The following CCDC91 variants were observed in gnomAD, a reference collection of about 807,000 sequenced individuals.
CCDC91 encodes coiled-coil domain-containing protein 91.
CCDC91 carries 48 observed loss-of-function variants against 63.2 expected under a neutral mutation model. That is an observed-to-expected ratio of 0.76 (90% CI 0.60 to 0.97). The LOEUF (loss-of-function observed/expected upper bound fraction) is 0.97. CCDC91 is among the 50% of genes least tolerant of loss of function. The pLI is 0.00. For synonymous variants in CCDC91, 167 were observed against 165.8 expected, an observed-to-expected ratio of 1.01 and a Z score of -0.06; for missense variants, 500 against 494.6, an observed-to-expected ratio of 1.01 and a Z score of -0.10.
At chr12:28,546,005 G>T (rs1286027210) in intron 12 of CCDC91, among the ~76,000 whole-genome samples, 3 of 152,172 alleles carry the variant, frequency 2.0e-5, no homozygotes, top group South Asian at 2.1e-4. Context: ...TGGGCGATTT[G>T]TGAAGGATTT....
At chr12:28,474,513 A>G (rs747186409) in intron 11 of CCDC91, among the ~76,000 whole-genome samples, 203 of 152,214 alleles carry the variant, frequency 1.3e-3, no homozygotes, top group Admixed American at 3.0e-3. Flanking sequence ...GTCTACATAA[A>G]TGGTTGTATT....
chr12:28,270,617 G>A (rs186371272), intron 3 of CCDC91, among the ~76,000 whole-genome samples: 1 of 152,190 alleles, frequency 6.6e-6, no homozygotes, highest in East Asian at 1.9e-4. Context: ...TACATTAAAT[G>A]TGCGAATAAA....
At chr12:28,296,916 T>A (rs1174160029) in intron 3 of CCDC91, among the ~76,000 whole-genome samples, 1 of 151,984 alleles carries the variant, frequency 6.6e-6, no homozygotes, top group East Asian at 1.9e-4. Context: ...TAGGAAGATG[T>A]GGGTTCAACA....
chr12:28,351,741 C>A (rs1433517083), intron 6 of CCDC91, among the ~76,000 whole-genome samples: 1 of 152,002 alleles, frequency 6.6e-6, no homozygotes, highest in Non-Finnish European at 1.5e-5. Context: ...CCTACTTCCT[C>A]CCTGTAGAAT....
intron 12 of CCDC91, among the ~76,000 whole-genome samples, chr12:28,542,847 CGTT>C (rs1044801563): frequency 3.9e-5 from 6 of 151,918 alleles, no homozygotes; most frequent in Non-Finnish European, 8.8e-5. Flanking sequence ...TTGTGGAACA[CGTT>C]GTAAGAAACA....
At chr12:28,543,414 T>C (rs7958852) in intron 12 of CCDC91, among the ~76,000 whole-genome samples, 275 of 152,140 alleles carry the variant, frequency 1.8e-3, no homozygotes, top group Middle Eastern at 6.8e-3. Flanking sequence ...TGTTTTGTTT[T>C]GCTTTAGGTT....
At chr12:28,272,442 A>T (rs903695190) in intron 3 of CCDC91, among the ~76,000 whole-genome samples, 2 of 149,704 alleles carry the variant, frequency 1.3e-5, no homozygotes, top group Non-Finnish European at 3.0e-5. Context: ...AAAAAAAATT[A>T]AAAAACTCTC....
intron 1 of CCDC91, among the ~76,000 whole-genome samples, chr12:28,248,276 A>G (rs1318580416): frequency 6.6e-6 from 1 of 152,094 alleles, no homozygotes; most frequent in Non-Finnish European, 1.5e-5. Context: ...TTTTGGTTGT[A>G]TTGCATTTGA....
intron 11 of CCDC91, among the ~76,000 whole-genome samples, chr12:28,470,800 A>T (rs1240375590): frequency 6.6e-6 from 1 of 152,162 alleles, no homozygotes; most frequent in African/African-American, 2.4e-5. Context: ...ATGGAACTGG[A>T]GTTCCTAATG....
chr12:28,549,289 C>G lies in CCDC91; in HGVS notation c.*116C>G. ...TTTCCAAATCATGTAGAATTGATTT[C>G]CAGTTCAAGGATAAACCAAAACAAT... On this transcript the variant is annotated 3_prime_UTR_variant, in exon 13 of 13. Transcript: ENST00000536442. The G allele has an allele frequency of 1.6e-6, 1 of 631,338 alleles. No homozygotes were observed. The highest frequency in any genetic ancestry group is 2.8e-6 in the Non-Finnish European group (1 of 351,410). The allele number at this position is 631,338 out of a possible 1,614,324, so 39.1% of individuals were successfully genotyped here. A position where few individuals can be genotyped will look rare whatever the true frequency, so the allele number is the denominator to read the frequency against.
intron 1 of CCDC91, among the ~76,000 whole-genome samples, chr12:28,252,431 CTTGTAACT>C (rs1271627444): frequency 4.6e-5 from 7 of 151,948 alleles, no homozygotes; most frequent in Non-Finnish European, 8.8e-5. Flanking sequence ...TAGGCTGGAT[CTTGTAACT>C]TTTTTTTACT....
At chr12:28,287,042 A>T (rs370851403) in intron 3 of CCDC91, among the ~76,000 whole-genome samples, 1 of 151,612 alleles carries the variant, frequency 6.6e-6, no homozygotes, top group African/African-American at 2.4e-5. Flanking sequence ...TCCTTTGCTC[A>T]GTTTTTAATG....
intron 3 of CCDC91, among the ~76,000 whole-genome samples, chr12:28,267,807 AATATATAATTATATTATTAAT>A (rs1481125550): frequency 6.7e-5 from 1 of 14,894 alleles, no homozygotes; most frequent in South Asian, 2.8e-3. Context: ...ATTATATAGT[AATATATAATTATATTATTAAT>A]ATATAATTAT....
chr12:28,332,029 ATACT>A (rs1941560220), intron 6 of CCDC91, among the ~76,000 whole-genome samples: 1 of 152,190 alleles, frequency 6.6e-6, no homozygotes, highest in Non-Finnish European at 1.5e-5. Flanking sequence ...TAGTCAGAAA[ATACT>A]TAATGTGATT....
At chr12:28,432,978 A>T (rs1174389671) in intron 8 of CCDC91, among the ~76,000 whole-genome samples, 2 of 152,048 alleles carry the variant, frequency 1.3e-5, no homozygotes, top group Middle Eastern at 3.2e-3. Context: ...ATGTGATGTG[A>T]AACATCTTTT....
intron 3 of CCDC91, among the ~76,000 whole-genome samples, chr12:28,289,245 G>C (rs1206287558): frequency 6.6e-6 from 1 of 151,610 alleles, no homozygotes; most frequent in African/African-American, 2.4e-5. Context: ...TTTGCTCTTG[G>C]TTTTCTAGTT....
chr12:28,485,109 G>A (rs1183849304), intron 12 of CCDC91, among the ~76,000 whole-genome samples: 1 of 151,344 alleles, frequency 6.6e-6, no homozygotes, highest in Non-Finnish European at 1.5e-5. Flanking sequence ...GCAGTTGGCA[G>A]TTCAAGAAGT....
intron 1 of CCDC91, among the ~76,000 whole-genome samples, chr12:28,192,675 T>G (rs1941362547): frequency 6.6e-6 from 1 of 152,226 alleles, no homozygotes. Flanking sequence ...TGTTCCTCCC[T>G]GCCCTATTCC....
At chr12:28,517,542 A>G (rs1592926370) in intron 12 of CCDC91, among the ~76,000 whole-genome samples, 1 of 152,098 alleles carries the variant, frequency 6.6e-6, no homozygotes, top group Middle Eastern at 3.4e-3. Flanking sequence ...TTTGTTCAAT[A>G]TTCCATGGCA....
Sources: gnomAD v4.1 joint callset for allele counts (sites outside exome capture counted in the v4.1 genomes callset) on GRCh38, gnomAD v4.1.1 for gene constraint, MANE v1.5 for transcripts, NCBI Gene and HGNC (gene_info 2026-07-23, HGNC 2026-07-21) for gene names.